Variants in CDK14 observed in about 807,000 individuals in gnomAD.
The protein encoded by CDK14 is cyclin-dependent kinase 14.
Under a neutral mutation model 60.7 loss-of-function variants are expected in CDK14, and 34 were observed. The ratio of observed to expected loss-of-function variants is 0.56; its 90% CI spans 0.43 to 0.75. The LOEUF (loss-of-function observed/expected upper bound fraction) is 0.75, where lower values mean the gene tolerates loss of function less well. Among genes scored for constraint, CDK14 ranks in the 30% least tolerant of loss-of-function variants. The pLI is 0.00. For synonymous variants in CDK14, 197 were observed against 203.7 expected (o/e 0.97, Z 0.28); for missense variants, 482 against 564.1 (o/e 0.85, Z 1.47).
chr7:91,058,294 A>G (rs1388465206), intron 11 of CDK14, among the ~76,000 whole-genome samples: 1 of 152,128 alleles, frequency 6.6e-6, no homozygotes, highest in East Asian at 1.9e-4. Context: ...TATCAGCTTA[A>G]GGAGATTTTG....
rs1795220335 is a variant in CDK14 at position 90,981,286 on chromosome 7, A to G, written c.948-2862A>G. ...GCACATCATTGCATTCTAATATCTT[A>G]ATAAAATAATTCTCTTGATACCTAT... On this transcript the variant is annotated intron_variant, in intron 9 of 14. Transcript: ENST00000380050. Among the ~76,000 whole-genome samples, 4 of 152,236 alleles carry G rather than the reference A, an allele frequency of 2.6e-5. No individual in the cohort carries two copies. In the South Asian group the frequency reaches 8.3e-4, roughly 32 times the overall value.
intron 2 of CDK14, among the ~76,000 whole-genome samples, chr7:90,656,783 G>A (rs1327983550): frequency 6.6e-6 from 1 of 152,144 alleles, no homozygotes; most frequent in African/African-American, 2.4e-5. Flanking sequence ...AGCATCTTGT[G>A]TGACAATAAA....
chr7:91,202,976 G>A (rs1233517945), intron 14 of CDK14, among the ~76,000 whole-genome samples: 1 of 152,206 alleles, frequency 6.6e-6, no homozygotes, highest in East Asian at 1.9e-4. Context: ...GACAAGGCAA[G>A]AACAAACATC....
intron 2 of CDK14, among the ~76,000 whole-genome samples, chr7:90,685,687 GT>G (rs1404672806): frequency 7.7e-6 from 1 of 130,538 alleles, no homozygotes; most frequent in Non-Finnish European, 1.6e-5. Context: ...TAGAGATGAG[GT>G]CTTGCTTTGT....
chr7:90,686,320 A>G (rs535772355), intron 2 of CDK14, among the ~76,000 whole-genome samples: 3 of 151,992 alleles, frequency 2.0e-5, no homozygotes, highest in African/African-American at 7.3e-5. Flanking sequence ...TCTTTTTCCA[A>G]TTAGGGAAGA....
In CDK14 at chr7:91,011,207, A is replaced by G. The variant is rs377538376; in HGVS notation, c.1041+26966A>G. ...ACAACAAAAAGCTGCTGTTTTCCTT[A>G]TCTGTATCCTGGAATAGGTATTGTC... On this transcript the variant is annotated intron_variant, in intron 10 of 14. Transcript: ENST00000380050. Among the ~76,000 whole-genome samples the G allele has an allele frequency of 1.4e-4, 21 of 152,140 alleles. No homozygotes were observed. The East Asian group carries it at 2.3e-3, about 17-fold the overall frequency.
chr7:91,149,837 T>G (rs1800781369), intron 14 of CDK14, among the ~76,000 whole-genome samples: 1 of 152,216 alleles, frequency 6.6e-6, no homozygotes, highest in Non-Finnish European at 1.5e-5. Context: ...TCCCCCTCTC[T>G]TTACTGACCC....
At chr7:90,840,892 C>A (rs1411236386) in intron 5 of CDK14, among the ~76,000 whole-genome samples, 1 of 78,862 alleles carries the variant, frequency 1.3e-5, no homozygotes, top group Non-Finnish European at 2.6e-5. Flanking sequence ...GAGGGATTTT[C>A]TTTAACTTTT....
chr7:90,656,736 G>A (rs549515168), intron 2 of CDK14, among the ~76,000 whole-genome samples: 1 of 152,250 alleles, frequency 6.6e-6, no homozygotes, highest in South Asian at 2.1e-4. Context: ...CCACTTAATG[G>A]AAGCATTCCA....
intron 4 of CDK14, among the ~76,000 whole-genome samples, chr7:90,759,235 A>G (rs1337732457): frequency 6.6e-6 from 1 of 151,990 alleles, no homozygotes; most frequent in South Asian, 2.1e-4. Context: ...CCTCATCACT[A>G]TGTGTCTTTG....
chr7:90,959,788 A>G (rs1794545020), intron 9 of CDK14, among the ~76,000 whole-genome samples: 1 of 152,202 alleles, frequency 6.6e-6, no homozygotes, highest in African/African-American at 2.4e-5. Context: ...AACACTTGCA[A>G]TGAACAAACA....
chr7:90,598,703 G>GTTTTTTTTTTT (rs1563010964), intron 1 of CDK14, among the ~76,000 whole-genome samples: 3 of 18,628 alleles, frequency 1.6e-4, no homozygotes, highest in Non-Finnish European at 2.9e-4. Context: ...ATTATCTAAG[G>GTTTTTTTTTTT]ATTTTTTTTT....
intron 14 of CDK14, among the ~76,000 whole-genome samples, chr7:91,148,615 G>A (rs1466140330): frequency 6.6e-6 from 1 of 152,144 alleles, no homozygotes; most frequent in Non-Finnish European, 1.5e-5. Context: ...CCACTCTTAA[G>A]GACATTGCAT....
At chr7:91,071,394 G>C (rs2116180633) in intron 11 of CDK14, among the ~76,000 whole-genome samples, 1 of 152,228 alleles carries the variant, frequency 6.6e-6, no homozygotes, top group East Asian at 1.9e-4. Flanking sequence ...GAGGAAGGAA[G>C]AGCAGTGTAG....
At chr7:90,723,350 TGA>T (rs1431430852) in intron 2 of CDK14, among the ~76,000 whole-genome samples, 14 of 152,292 alleles carry the variant, frequency 9.2e-5, no homozygotes, top group East Asian at 5.8e-4. Context: ...GGGTCTCTTA[TGA>T]GAGTCCAGTC....
intron 10 of CDK14, among the ~76,000 whole-genome samples, chr7:90,986,722 A>G (rs926495796): frequency 1.8e-4 from 27 of 151,968 alleles, no homozygotes; most frequent in African/African-American, 6.3e-4. Context: ...TTTTATGCAA[A>G]GACATATCTC....
chr7:90,673,694 G>GT (rs1289643708), intron 2 of CDK14, among the ~76,000 whole-genome samples: 1 of 152,172 alleles, frequency 6.6e-6, no homozygotes, highest in Non-Finnish European at 1.5e-5. Flanking sequence ...CCTAAGAAAA[G>GT]TTTATAAGTG....
chr7:90,924,308 C>T (rs551939293), intron 8 of CDK14, among the ~76,000 whole-genome samples: 7 of 152,316 alleles, frequency 4.6e-5, no homozygotes, highest in African/African-American at 7.2e-5. Context: ...TTGATCCATT[C>T]CTGAAGGGAG....
At chr7:90,979,509 A>G (rs1468699421) in intron 9 of CDK14, 3 of 152,216 alleles carry the variant, frequency 2.0e-5, no homozygotes, top group African/African-American at 7.2e-5. Flanking sequence ...GGAACTGTGT[A>G]AAATGGAATA....
Sources: allele counts gnomAD v4.1 joint callset (sites outside exome capture counted in the v4.1 genomes callset), GRCh38; gene constraint gnomAD v4.1.1; transcripts MANE v1.5; gene names NCBI Gene and HGNC (gene_info 2026-07-23, HGNC 2026-07-21).